Variants in COMMD7 observed in about 807,000 individuals in gnomAD.
COMMD7 encodes the protein COMM domain-containing protein 7.
COMMD7 carries 28 observed loss-of-function variants against 34.8 expected under a neutral mutation model. That is an observed-to-expected ratio of 0.80 (90% CI 0.60 to 1.10). The LOEUF (loss-of-function observed/expected upper bound fraction) is 1.10. Among genes scored for constraint, COMMD7 ranks in the 50% least tolerant of loss-of-function variants. The probability of loss-of-function intolerance (pLI) is 0.00; values close to 1 mark genes in which losing one functional copy is unlikely to be tolerated. For synonymous variants in COMMD7, 80 were observed against 86.4 expected (o/e 0.93, Z 0.41); for missense variants, 211 against 241.6 (o/e 0.87, Z 0.84).
At chr20:32,728,209 GC>G in intron 1 of COMMD7, 67 bp from the exon 2 acceptor site, 1 of 1,447,944 alleles carries the variant, frequency 6.9e-7, no homozygotes, top group South Asian at 1.2e-5. Flanking sequence ...CCCACCCCAG[GC>G]AACTGCATAG....
In COMMD7 at chr20:32,723,234, C is replaced by A. The variant is rs1304593512; in HGVS notation, c.241+4659G>T. Among the ~76,000 whole-genome samples, 24 of 42,582 alleles carry A rather than the reference C, an allele frequency of 5.6e-4. 8 individuals carry two copies. Among genetic ancestry groups the A allele is most frequent in the Non-Finnish European group, 1.3e-3 (22 of 17,314 alleles). The allele number at this position is 42,582 out of a possible 152,430, so 27.9% of individuals were successfully genotyped here. On this transcript the variant is annotated intron_variant, in intron 3 of 8. Transcript: ENST00000278980. ...GTACTGCTGCCATCTCGGCTCACTG[C>A]AACCTCCCTGCCTGATTCTCCTGCC...
intron 3 of COMMD7, 60 bp downstream of exon 3, chr20:32,727,833 G>A: frequency 7.4e-7 from 1 of 1,350,050 alleles, no homozygotes; most frequent in African/African-American, 1.4e-5. Flanking sequence ...ATGACTCCAT[G>A]GACTAAAGGA....
At chr20:32,739,985 G>A (rs55710103) in intron 1 of COMMD7, among the ~76,000 whole-genome samples, 31,989 of 141,262 alleles carry the variant, frequency 0.23, 7,406 homozygotes, top group Middle Eastern at 0.31. Context: ...TCACATCCCC[G>A]CACTCTAGCC....
chr20:32,739,382 A>AC (rs1379552732), intron 1 of COMMD7, among the ~76,000 whole-genome samples: 9 of 152,164 alleles, frequency 5.9e-5, no homozygotes, highest in African/African-American at 1.9e-4. Context: ...GCGGTGTCTC[A>AC]CGCCTGTAAT....
At position 32,743,363 on chromosome 20, in the gene COMMD7, G is replaced by T; in HGVS notation, c.29C>A (p.Pro10Gln). Residue 10 changes from proline (P) to glutamine (Q), a missense_variant, in exon 1 of 9, where the codon CCG becomes CAG. Coordinates refer to ENST00000278980, the MANE Select transcript of COMMD7 (RefSeq NM_053041.3). MGRLHCTED[P>Q]VPEAVGGDMQ... ...GTCGCCGCCCACGGCCTCCGGCACC[G>T]GGTCCTCAGTGCAGTGCAGGCGGCC... 1.3e-6 allele frequency: 2 copies of T among 1,511,054 alleles called. No homozygotes were observed. The highest frequency in any genetic ancestry group is 1.8e-6 in the Non-Finnish European group (2 of 1,135,986). The allele number at this position is 1,511,054 out of a possible 1,614,324, so 93.6% of individuals were successfully genotyped here. A position where few individuals can be genotyped will look rare whatever the true frequency, so the allele number is the denominator to read the frequency against.
At chr20:32,703,824 C>A (rs1215569157) in intron 8 of COMMD7, 199 bp downstream of exon 8, 1 of 1,539,964 alleles carries the variant, frequency 6.5e-7, no homozygotes, top group African/African-American at 1.4e-5. Context: ...GGCTCTTCAA[C>A]TGTGGGGGCT....
chr20:32,729,184 T>A (rs960653719), intron 1 of COMMD7, among the ~76,000 whole-genome samples: 58 of 150,794 alleles, frequency 3.8e-4, no homozygotes, highest in African/African-American at 1.3e-3. Flanking sequence ...TTTTTTTTTT[T>A]TTTAGATGGA....
In COMMD7 at chr20:32,727,955, G is replaced by C. The variant is rs1184903418; in HGVS notation, c.179C>G (p.Thr60Ser). The stretch of plus-strand genomic sequence containing the variant: ...GAGGGAGCCAAGACTGATCTGATTG[G>C]TGGTGGCAAATTCAGAGAGCTGAGC... ...FLAQLSEFAT[T>S]NQISLGSLRS... The change falls in exon 3 of 9, where the codon ACC becomes AGC. Residue 60 changes from threonine to serine, a missense_variant. Transcript: ENST00000278980. 6.8e-6 allele frequency: 11 copies of C among 1,614,134 alleles called. No homozygotes were observed. Among genetic ancestry groups the C allele is most frequent in the African/African-American group, 1.3e-5 (1 of 75,054 alleles).
At chr20:32,734,902 C>T (rs566078048) in intron 1 of COMMD7, among the ~76,000 whole-genome samples, 25 of 151,612 alleles carry the variant, frequency 1.6e-4, no homozygotes, top group African/African-American at 5.1e-4. Flanking sequence ...CCAGCTTGGG[C>T]AACACAGTGA....
At chr20:32,742,369 G>C (rs1049731908) in intron 1 of COMMD7, 1 of 152,176 alleles carries the variant, frequency 6.6e-6, no homozygotes, top group Admixed American at 6.6e-5. Context: ...GGGAAGTTGT[G>C]GGGGGTATGG....
At chr20:32,709,977 T>C (rs1984339196) in intron 3 of COMMD7, among the ~76,000 whole-genome samples, 1 of 151,742 alleles carries the variant, frequency 6.6e-6, no homozygotes, top group Non-Finnish European at 1.5e-5. Context: ...CTCCTGGGCT[T>C]AATGGATCCT....
intron 3 of COMMD7, among the ~76,000 whole-genome samples, chr20:32,710,783 T>G (rs1984392559): frequency 6.7e-6 from 1 of 149,750 alleles, no homozygotes; most frequent in Non-Finnish European, 1.5e-5. Context: ...TGGACCAATC[T>G]GCATAATATA....
At chr20:32,721,762 G>C (rs1232863395) in intron 3 of COMMD7, among the ~76,000 whole-genome samples, 1 of 152,120 alleles carries the variant, frequency 6.6e-6, no homozygotes, top group African/African-American at 2.4e-5. Flanking sequence ...CGGGCGTGGT[G>C]GTGGGTGCCT....
chr20:32,703,914 T>C, intron 8 of COMMD7, 109 bp downstream of exon 8: 11 of 1,580,116 alleles, frequency 7.0e-6, no homozygotes, highest in Non-Finnish European at 9.5e-6. Context: ...ACTCCACAGC[T>C]GGCAATGACT....
intron 1 of COMMD7, among the ~76,000 whole-genome samples, chr20:32,737,591 G>A (rs1043480181): frequency 6.9e-6 from 1 of 144,066 alleles, no homozygotes; most frequent in African/African-American, 2.5e-5. Context: ...CACTTTGGGA[G>A]GCTGAGGTGG....
intron 3 of COMMD7, among the ~76,000 whole-genome samples, chr20:32,722,861 A>G: frequency 6.6e-6 from 1 of 151,136 alleles, no homozygotes; most frequent in East Asian, 1.9e-4. Flanking sequence ...CTCTACTAAA[A>G]AATACAAAAA....
chr20:32,728,280 T>A, intron 1 of COMMD7, 138 bp from the exon 2 acceptor site: 1 of 754,364 alleles, frequency 1.3e-6, no homozygotes, highest in East Asian at 2.7e-5. Context: ...ATCCTATAGT[T>A]ACAAATGTTC....
intron 8 of COMMD7, 69 bp downstream of exon 8, chr20:32,703,953 AG>A: frequency 6.2e-7 from 1 of 1,610,418 alleles, no homozygotes; most frequent in Non-Finnish European, 8.5e-7. Flanking sequence ...ATTTGTGGTG[AG>A]CGTCACCAGC....
intron 3 of COMMD7, among the ~76,000 whole-genome samples, chr20:32,717,192 G>A (rs6057625): frequency 0.69 from 104,205 of 151,782 alleles, 36,534 homozygotes; most frequent in Middle Eastern, 0.82. Flanking sequence ...GTCTTCCTCC[G>A]TTGTGCAAAC....
Sources: allele counts gnomAD v4.1 joint callset (sites outside exome capture counted in the v4.1 genomes callset), GRCh38; gene constraint gnomAD v4.1.1; transcripts MANE v1.5; gene names NCBI Gene and HGNC (gene_info 2026-07-23, HGNC 2026-07-21).